PID1: variants seen among roughly 807,000 people sequenced by gnomAD.
The protein encoded by PID1 is phosphotyrosine interaction domain containing 1, also known as PTB-containing, cubilin and LRP1-interacting protein.
Under a neutral mutation model 19.1 loss-of-function variants are expected in PID1, and 10 were observed. The ratio of observed to expected loss-of-function variants is 0.52; its 90% CI spans 0.32 to 0.89. The LOEUF is 0.89. Ranked by LOEUF, PID1 falls within the 40% of genes least tolerant of loss-of-function variation. The pLI is 0.03. For synonymous variants in PID1, 130 were observed against 116.0 expected (o/e 1.12, Z -0.78); for missense variants, 248 against 285.3 (o/e 0.87, Z 0.94).
chr2:229,184,139 GTATATCCCATATGTA>G lies in PID1; in HGVS notation c.31-28190_31-28176del, dbSNP rs1385860920. Among the ~76,000 whole-genome samples the G allele has an allele frequency of 5.2e-3, 43 of 8,332 alleles. 17 individuals carry two copies. The highest frequency in any genetic ancestry group is 0.013 in the African/African-American group (10 of 776). The allele number at this position is 8,332 out of a possible 152,430, so 5.5% of individuals were successfully genotyped here. A position where few individuals can be genotyped will look rare whatever the true frequency, so the allele number is the denominator to read the frequency against. Reference sequence around the variant, plus strand: ...TATATCCCATATGTATATCCCATATGTATATCCCATATGTATATATCCCATATGTATATATCCCAT... The same window carrying G: ...TATATCCCATATGTATATCCCATATGTATATCCCATATGTATATATCCCAT... On this transcript the variant is annotated intron_variant, in intron 1 of 2. Transcript: ENST00000392055.
intron 2 of PID1, among the ~76,000 whole-genome samples, chr2:229,140,210 G>A (rs6756257): frequency 0.39 from 59,980 of 151,854 alleles, 12,025 homozygotes; most frequent in South Asian, 0.57. Context: ...TAAATTCAGC[G>A]TTACTAATGC....
intron 2 of PID1, among the ~76,000 whole-genome samples, chr2:229,044,815 G>A (rs940903454): frequency 2.0e-5 from 3 of 152,176 alleles, no homozygotes. Flanking sequence ...AGAGATGTGA[G>A]TCATAGTAAT....
chr2:229,057,033 ATTTTTATT>A (rs71858838), intron 2 of PID1, among the ~76,000 whole-genome samples: 131,272 of 151,422 alleles, frequency 0.87, 57,166 homozygotes, highest in East Asian at 0.96. Context: ...AGAGAAAGAA[ATTTTTATT>A]TTATTATTTT....
At chr2:229,051,668 C>T (rs866935497) in intron 2 of PID1, among the ~76,000 whole-genome samples, 7 of 152,174 alleles carry the variant, frequency 4.6e-5, no homozygotes, top group African/African-American at 1.7e-4. Context: ...ATTACCATTA[C>T]ATAACAAAGT....
At chr2:229,188,961 G>A (rs1691196354) in intron 1 of PID1, among the ~76,000 whole-genome samples, 1 of 152,040 alleles carries the variant, frequency 6.6e-6, no homozygotes, top group Non-Finnish European at 1.5e-5. Flanking sequence ...ACAATTACTG[G>A]TAACGGCTCC....
At chr2:229,228,874 G>A (rs80095985) in intron 1 of PID1, among the ~76,000 whole-genome samples, 22,549 of 152,216 alleles carry the variant, frequency 0.15, 2,095 homozygotes, top group Admixed American at 0.24. Context: ...CAACACAGGA[G>A]TTTTGAAGCC....
intron 1 of PID1, among the ~76,000 whole-genome samples, chr2:229,184,832 C>T (rs1248008646): frequency 1.7e-5 from 1 of 60,570 alleles, no homozygotes; most frequent in African/African-American, 7.8e-5. Flanking sequence ...ATATATATCC[C>T]GTATATATAT....
intron 1 of PID1, among the ~76,000 whole-genome samples, chr2:229,183,477 A>G (rs1160373360): frequency 1.3e-5 from 2 of 152,184 alleles, no homozygotes; most frequent in African/African-American, 4.8e-5. Context: ...TCACATTTGA[A>G]TTGGTAGACT....
At chr2:229,229,191 A>G (rs1158706030) in intron 1 of PID1, among the ~76,000 whole-genome samples, 3 of 152,194 alleles carry the variant, frequency 2.0e-5, no homozygotes, top group Non-Finnish European at 4.4e-5. Flanking sequence ...ATGACCGGCA[A>G]TAAAGTCCAC....
intron 2 of PID1, among the ~76,000 whole-genome samples, chr2:229,083,799 A>G (rs1389354719): frequency 1.3e-5 from 2 of 152,234 alleles, no homozygotes; most frequent in Non-Finnish European, 2.9e-5. Flanking sequence ...AATTCAGATT[A>G]TAACACCCTT....
chr2:229,261,342 AG>A (rs1185095840), intron 1 of PID1, among the ~76,000 whole-genome samples: 1 of 152,212 alleles, frequency 6.6e-6, no homozygotes, highest in African/African-American at 2.4e-5. Flanking sequence ...TATGTCCAAA[AG>A]CAAAATAGCT....
chr2:229,198,851 A>C (rs926240103), intron 1 of PID1, among the ~76,000 whole-genome samples: 1 of 151,882 alleles, frequency 6.6e-6, no homozygotes, highest in Non-Finnish European at 1.5e-5. Context: ...CCTTGCATCC[A>C]CTCTTGTTGA....
At chr2:229,229,335 G>C (rs1312105896) in intron 1 of PID1, among the ~76,000 whole-genome samples, 1 of 152,150 alleles carries the variant, frequency 6.6e-6, no homozygotes, top group African/African-American at 2.4e-5. Context: ...CATGCATCAT[G>C]TTTATTTTCA....
rs150982734 is a variant in PID1 at position 229,200,182 on chromosome 2, T to A, written c.31-44218A>T. 9.4e-3 allele frequency among the ~76,000 whole-genome samples: 1,429 copies of A among 152,120 alleles called. 9 individuals carry two copies. The highest frequency in any genetic ancestry group is 0.015 in the Non-Finnish European group (1,017 of 67,964). On this transcript the variant is annotated intron_variant, in intron 1 of 2. Transcript: ENST00000392055. ...CCAACAGGAAGGGAGGCCATGGCCA[T>A]CTGAGGAGTTATTTGGTTGGTGCAA... is the stretch of plus-strand genomic sequence containing the variant.
At chr2:229,194,824 T>G (rs898064582) in intron 1 of PID1, among the ~76,000 whole-genome samples, 2 of 151,994 alleles carry the variant, frequency 1.3e-5, no homozygotes, top group African/African-American at 4.8e-5. Context: ...ATTCCTATAT[T>G]ACAAATATAT....
intron 1 of PID1, among the ~76,000 whole-genome samples, chr2:229,252,381 G>C (rs575461864): frequency 4.6e-5 from 7 of 152,242 alleles, no homozygotes. Flanking sequence ...AATTAATTTT[G>C]ATTTCCAAAA....
intron 1 of PID1, among the ~76,000 whole-genome samples, chr2:229,237,574 A>G (rs1445562099): frequency 2.0e-5 from 3 of 152,186 alleles, no homozygotes; most frequent in Non-Finnish European, 2.9e-5. Flanking sequence ...GCTTCTAATT[A>G]TAAGTGGTGT....
chr2:229,170,173 A>G (rs1690682392), intron 1 of PID1, among the ~76,000 whole-genome samples: 1 of 152,216 alleles, frequency 6.6e-6, no homozygotes, highest in Non-Finnish European at 1.5e-5. Context: ...TACAAGGCCA[A>G]TAATACCTTT....
At chr2:229,061,479 G>A (rs1349399312) in intron 2 of PID1, among the ~76,000 whole-genome samples, 1 of 151,822 alleles carries the variant, frequency 6.6e-6, no homozygotes, top group African/African-American at 2.4e-5. Context: ...CTCTTTTTAT[G>A]CTGGTACCAT....
Sources: gnomAD v4.1 joint callset for allele counts (sites outside exome capture counted in the v4.1 genomes callset) on GRCh38, gnomAD v4.1.1 for gene constraint, MANE v1.5 for transcripts, NCBI Gene and HGNC (gene_info 2026-07-23, HGNC 2026-07-21) for gene names.